Variants in PIK3C2B observed in about 807,000 individuals in gnomAD.
The protein encoded by PIK3C2B is phosphatidylinositol-4-phosphate 3-kinase catalytic subunit type 2 beta.
PIK3C2B carries 83 observed loss-of-function variants against 184.3 expected under a neutral mutation model. The ratio of observed to expected loss-of-function variants is 0.45; its 90% CI spans 0.38 to 0.54. The LOEUF is 0.54. Ranked by LOEUF, PIK3C2B falls within the 20% of genes least tolerant of loss-of-function variation. The pLI is 0.00. For missense variants in PIK3C2B, 1,736 were observed against 2,113.5 expected (o/e 0.82, Z 3.50); for synonymous variants, 779 against 837.6 (o/e 0.93, Z 1.21).
chr1:204,476,587 T>C (rs1187384238), intron 1 of PIK3C2B, among the ~76,000 whole-genome samples: 1 of 152,204 alleles, frequency 6.6e-6, no homozygotes, highest in Non-Finnish European at 1.5e-5. Flanking sequence ...ATTGCTCCAT[T>C]CCCTTAGTCT....
At chr1:204,492,667 G>A (rs1399359319) in intron 1 of PIK3C2B, among the ~76,000 whole-genome samples, 4 of 151,970 alleles carry the variant, frequency 2.6e-5, no homozygotes, top group Admixed American at 6.6e-5. Context: ...AAGTCCAAAG[G>A]AGCTCCCCCA....
At chr1:204,492,309 C>T (rs952870887) in intron 1 of PIK3C2B, among the ~76,000 whole-genome samples, 11 of 152,184 alleles carry the variant, frequency 7.2e-5, no homozygotes, top group African/African-American at 2.7e-4. Flanking sequence ...CTTAGGTCCA[C>T]AAATTGTCTG....
intron 23 of PIK3C2B, among the ~76,000 whole-genome samples, chr1:204,438,653 T>C (rs1416012535): frequency 1.3e-5 from 2 of 152,082 alleles, no homozygotes; most frequent in African/African-American, 4.8e-5. Flanking sequence ...ACAGATAGGC[T>C]CTCAAAAGCT....
Position 204,444,114 on chromosome 1 carries a change from G to A in PIK3C2B, c.2821C>T (p.Leu941=). The part of the protein sequence containing the change: ...YLDSPLVRFL[L]KRAVSDLRVT... ...CTCAAGTCAGACACAGCTCGTTTCA[G>A]GAGGAAGCGCACCAACGGGCTGTCC... is the stretch of plus-strand genomic sequence containing the variant. Residue 941 remains leucine (L), a synonymous_variant, in exon 18 of 33, where the codon CTG becomes TTG. Transcript: ENST00000684373. 1.9e-6 allele frequency: 3 copies of A among 1,613,968 alleles called. No individual in the cohort carries two copies. Among genetic ancestry groups the A allele is most frequent in the Non-Finnish European group, 2.5e-6 (3 of 1,179,800 alleles).
At chr1:204,481,892 G>A (rs905563251) in intron 1 of PIK3C2B, among the ~76,000 whole-genome samples, 15 of 152,184 alleles carry the variant, frequency 9.9e-5, no homozygotes, top group Admixed American at 2.6e-4. Flanking sequence ...CGGTTTTCAA[G>A]CAGTTCCAGT....
chr1:204,457,166 C>T lies in PIK3C2B; in HGVS notation c.1714-96G>A. 7.7e-6 allele frequency: 8 copies of T among 1,038,428 alleles called. No homozygotes were observed. The South Asian group carries it at 1.2e-4, about 15-fold the overall frequency. 64.3% of individuals were successfully genotyped at this position (1,038,428 alleles called of 1,614,324 possible). On this transcript the variant is annotated intron_variant, in intron 9 of 32. Coordinates refer to ENST00000684373, the MANE Select transcript of PIK3C2B (RefSeq NM_001377334.1). ...TTTTCACAGCTGCGCTCATCTGGAC[C>T]AGAATGGGCTGAAATGTGAGTAGCT...
Position 204,462,008 on chromosome 1 carries a change from G to C in PIK3C2B, c.1311-1347C>G, listed in dbSNP as rs559766508. On this transcript the variant is annotated intron_variant, in intron 5 of 32. Coordinates refer to ENST00000684373, the MANE Select transcript of PIK3C2B (RefSeq NM_001377334.1). ...GGCAGTTGTCATGTGTTGGGGGTCT[G>C]GGGGCTGGGCCAGGAGACAGCATTG... Among the ~76,000 whole-genome samples the C allele has an allele frequency of 3.3e-5, 5 of 151,756 alleles. No individual in the cohort carries two copies. In the South Asian group the frequency reaches 1.0e-3, roughly 32 times the overall value.
At chr1:204,456,899 CACACACACCCACA>C (rs1654898398) in intron 10 of PIK3C2B, 125 bp downstream of exon 10, 2 of 329,852 alleles carry the variant, frequency 6.1e-6, no homozygotes, top group African/African-American at 5.6e-5. Context: ...CACACACACA[CACACACACCCACA>C]CACACACACA....
intron 1 of PIK3C2B, among the ~76,000 whole-genome samples, chr1:204,472,268 A>C (rs1443686803): frequency 1.3e-5 from 2 of 150,138 alleles, no homozygotes; most frequent in Non-Finnish European, 3.0e-5. Flanking sequence ...GGTTCATGCC[A>C]TTCTCCTGCC....
chr1:204,431,568 A>T, intron 28 of PIK3C2B, 101 bp downstream of exon 28: 2 of 1,439,676 alleles, frequency 1.4e-6, no homozygotes, highest in Admixed American at 3.4e-5. Context: ...TGTTTAGTCC[A>T]AAAGGGTATT....
chr1:204,449,013 C>T (rs1245245027), intron 14 of PIK3C2B, among the ~76,000 whole-genome samples, 172 bp downstream of exon 14: 1 of 151,840 alleles, frequency 6.6e-6, no homozygotes, highest in African/African-American at 2.4e-5. Context: ...CAGAGCTCAC[C>T]TCACAATCCA....
intron 1 of PIK3C2B, among the ~76,000 whole-genome samples, chr1:204,472,396 C>T (rs977838871): frequency 5.3e-5 from 8 of 151,870 alleles, no homozygotes. Flanking sequence ...ATCTCCTGAC[C>T]TCGTGATCCA....
intron 28 of PIK3C2B, 79 bp downstream of exon 28, chr1:204,431,590 C>T (rs1283249319): frequency 3.2e-6 from 5 of 1,562,888 alleles, no homozygotes; most frequent in Non-Finnish European, 4.4e-6. Flanking sequence ...TCTGCCCCTG[C>T]AGCCCTGACC....
rs745323611 is a variant in PIK3C2B at position 204,468,887 on chromosome 1, G to A, written c.916C>T (p.Arg306Trp). ...RKNATPGKNRRISAAPVGSRP... is the reference protein window; with the variant it reads ...RKNATPGKNRWISAAPVGSRP... ...GTCCTCACCGGGGCTGCAGAAATCC[G>A]GCGGTTCTTGCCAGGCGTCGCATTC... The change falls in exon 2 of 33, where the codon CGG becomes TGG. Residue 306 changes from arginine (R) to tryptophan (W), a missense_variant. Around this residue, in one of 8 missense-constraint regions of PIK3C2B, gnomAD observed 404 missense variants for 418.0 expected, o/e 0.97. Transcript: ENST00000684373. 1.4e-5 allele frequency: 22 copies of A among 1,589,414 alleles called. No homozygotes were observed. Among genetic ancestry groups the A allele is most frequent in the South Asian group, 1.3e-4 (11 of 87,204 alleles).
chr1:204,482,048 C>G (rs1382878620), intron 1 of PIK3C2B, among the ~76,000 whole-genome samples: 1 of 150,232 alleles, frequency 6.7e-6, no homozygotes, highest in African/African-American at 2.5e-5. Context: ...GCACCCAACC[C>G]AACAGGCCCT....
At chr1:204,432,038 A>G (rs947035937) in intron 27 of PIK3C2B, among the ~76,000 whole-genome samples, 162 bp downstream of exon 27, 1 of 152,190 alleles carries the variant, frequency 6.6e-6, no homozygotes, top group Admixed American at 6.5e-5. Context: ...TTCTAGGCAG[A>G]TCACGTGAGC....
intron 2 of PIK3C2B, 78 bp downstream of exon 2, chr1:204,468,792 G>A (rs896579845): frequency 1.6e-5 from 20 of 1,284,064 alleles, no homozygotes; most frequent in South Asian, 1.3e-4. Flanking sequence ...AGAGTTGGAT[G>A]TAGAACAGCA....
At chr1:204,439,458 C>A (rs1379133837) in intron 22 of PIK3C2B, among the ~76,000 whole-genome samples, 1 of 152,188 alleles carries the variant, frequency 6.6e-6, no homozygotes, top group East Asian at 1.9e-4. Context: ...CTCCCTGCCA[C>A]CTTGGTTGGA....
At chr1:204,459,976 G>A (rs1655192059) in intron 7 of PIK3C2B, 35 bp from the exon 8 acceptor site, 2 of 1,581,484 alleles carry the variant, frequency 1.3e-6, no homozygotes, top group African/African-American at 1.3e-5. Context: ...CCACAGGAGA[G>A]GTCATGAAAG....
Sources: gnomAD v4.1 joint callset for allele counts (sites outside exome capture counted in the v4.1 genomes callset) on GRCh38, gnomAD v4.1.1 for gene constraint, gnomAD v4.1.1 regional missense constraint, MANE v1.5 for transcripts, NCBI Gene and HGNC (gene_info 2026-07-23, HGNC 2026-07-21) for gene names.